LRP1B: variants seen among roughly 807,000 people sequenced by gnomAD.
LRP1B encodes the protein low-density lipoprotein receptor-related protein 1B.
In LRP1B, 217 loss-of-function variants were observed where a neutral mutation model predicts 556.6. That is an observed-to-expected ratio of 0.39 (90% CI 0.35 to 0.44). The LOEUF (loss-of-function observed/expected upper bound fraction) is 0.44, where lower values mean the gene tolerates loss of function less well. Among genes scored for constraint, LRP1B ranks in the 20% least tolerant of loss-of-function variants. The pLI is 1.00. For missense variants in LRP1B, 5,053 were observed against 5,620.8 expected (o/e 0.90, Z 3.23); for synonymous variants, 2,047 against 1,865.8 (o/e 1.10, Z -2.50).
At chr2:141,595,333 G>A (rs72855461) in intron 2 of LRP1B, among the ~76,000 whole-genome samples, 13,899 of 152,012 alleles carry the variant, frequency 0.091, 869 homozygotes, top group South Asian at 0.19. Context: ...AAGAGTCAAT[G>A]TAATTGTGTT....
At chr2:141,938,105 A>G (rs556605432) in intron 1 of LRP1B, among the ~76,000 whole-genome samples, 406 of 152,200 alleles carry the variant, frequency 2.7e-3, no homozygotes, top group South Asian at 7.0e-3. Context: ...GCTTTGCAAC[A>G]TAATTTAAAA....
chr2:140,652,809 G>GA (rs1357757523), intron 41 of LRP1B, among the ~76,000 whole-genome samples: 2 of 151,806 alleles, frequency 1.3e-5, no homozygotes, highest in Non-Finnish European at 2.9e-5. Flanking sequence ...CTTGATAATG[G>GA]AAAAAAATAG....
intron 33 of LRP1B, among the ~76,000 whole-genome samples, chr2:140,771,257 G>C (rs1052779505): frequency 5.3e-5 from 8 of 152,052 alleles, no homozygotes; most frequent in Admixed American, 2.6e-4. Flanking sequence ...AAAGGAAATT[G>C]ATTTGTCATA....
rs13313812 is a variant in LRP1B, at chr2:141,573,320, T to C, written c.206-92787A>G. On this transcript the variant is annotated intron_variant, in intron 2 of 90. Transcript: ENST00000389484. ...CAAAACCACACAGTTACATGGAAAT[T>C]GAACAACCTGCTCCTGAATGACTCC... Among the ~76,000 whole-genome samples the C allele has an allele frequency of 4.7e-3, 710 of 152,260 alleles. 2 individuals carry two copies. The highest frequency in any genetic ancestry group is 0.016 in the African/African-American group (672 of 41,550).
intron 1 of LRP1B, among the ~76,000 whole-genome samples, chr2:141,817,985 G>A (rs1696617166): frequency 6.6e-6 from 1 of 152,112 alleles, no homozygotes; most frequent in African/African-American, 2.4e-5. Flanking sequence ...TAAATTAAAG[G>A]ATAGATACAA....
At chr2:140,928,489 G>A (rs910449061) in intron 20 of LRP1B, among the ~76,000 whole-genome samples, 2 of 152,110 alleles carry the variant, frequency 1.3e-5, no homozygotes, top group Non-Finnish European at 2.9e-5. Flanking sequence ...GCAGTTGGCA[G>A]GCGAGAGGGA....
intron 3 of LRP1B, among the ~76,000 whole-genome samples, chr2:141,394,054 T>C (rs754257738): frequency 6.6e-6 from 1 of 152,188 alleles, no homozygotes; most frequent in Admixed American, 6.5e-5. Context: ...GGGTATACTA[T>C]GTCCCTGACT....
At chr2:142,019,678 C>T (rs1703270191) in intron 1 of LRP1B, among the ~76,000 whole-genome samples, 1 of 152,132 alleles carries the variant, frequency 6.6e-6, no homozygotes, top group African/African-American at 2.4e-5. Flanking sequence ...TTCAAACTTA[C>T]CAGAGTAAAA....
intron 5 of LRP1B, among the ~76,000 whole-genome samples, chr2:141,231,516 G>A (rs1490121173): frequency 2.0e-5 from 3 of 152,102 alleles, no homozygotes; most frequent in Non-Finnish European, 2.9e-5. Flanking sequence ...CACAGAGATG[G>A]TCCAGTGGCT....
intron 1 of LRP1B, among the ~76,000 whole-genome samples, chr2:142,037,862 G>C (rs1703939165): frequency 1.3e-5 from 2 of 151,450 alleles, no homozygotes; most frequent in South Asian, 4.1e-4. Flanking sequence ...ATAGCTGCAG[G>C]CTTGTAGCAG....
At chr2:141,177,650 G>T (rs1215764047) in intron 7 of LRP1B, among the ~76,000 whole-genome samples, 1 of 152,106 alleles carries the variant, frequency 6.6e-6, no homozygotes, top group Non-Finnish European at 1.5e-5. Flanking sequence ...GTGAAGGGAA[G>T]AATTGGCTGG....
rs558599953 is a variant in LRP1B at position 140,303,401 on chromosome 2, C to T, written c.12806-5432G>A. Among the ~76,000 whole-genome samples, 42 of 151,884 alleles carry T rather than the reference C, an allele frequency of 2.8e-4. 2 individuals are homozygous for T. The highest frequency in any genetic ancestry group is 1.2e-3 in the Admixed American group (18 of 15,266). On this transcript the variant is annotated intron_variant, in intron 83 of 90. Transcript: ENST00000389484. ...TAGCTGGAACTACAGGCACCTGCCA[C>T]GATGCCTGGCTATTTTTTTGTATTT...
At chr2:141,890,162 T>C (rs1699239277) in intron 1 of LRP1B, among the ~76,000 whole-genome samples, 1 of 151,798 alleles carries the variant, frequency 6.6e-6, no homozygotes, top group African/African-American at 2.4e-5. Flanking sequence ...ATAGTCTAGA[T>C]GGTCATACAT....
At chr2:141,262,606 A>C (rs1231925043) in intron 3 of LRP1B, among the ~76,000 whole-genome samples, 1 of 152,154 alleles carries the variant, frequency 6.6e-6, no homozygotes, top group Non-Finnish European at 1.5e-5. Context: ...AAAATCTATG[A>C]CTGAAGGTTC....
rs559627427 is a variant in LRP1B at position 140,365,737 on chromosome 2, G to T, written c.11009-954C>A. On this transcript the variant is annotated intron_variant, in intron 71 of 90. Coordinates refer to ENST00000389484, the MANE Select transcript of LRP1B (RefSeq NM_018557.3). ...AAGATAAATTAGATTGCTCCCAAAG[G>T]GTTACACTACCTAGTTAATCCTCAT... Among the ~76,000 whole-genome samples, 3 of 151,628 alleles carry T rather than the reference G, an allele frequency of 2.0e-5. No individual in the cohort carries two copies. In the South Asian group the frequency reaches 6.2e-4, roughly 31 times the overall value.
intron 3 of LRP1B, among the ~76,000 whole-genome samples, chr2:141,291,710 G>T (rs76718478): frequency 6.6e-6 from 1 of 151,810 alleles, no homozygotes; most frequent in African/African-American, 2.4e-5. Context: ...CAAAAAATTA[G>T]CCGGGAGTGG....
At chr2:141,488,182 G>T (rs1559100061) in intron 2 of LRP1B, among the ~76,000 whole-genome samples, 1 of 151,690 alleles carries the variant, frequency 6.6e-6, no homozygotes. Context: ...ACATTTATTT[G>T]TTTTTTTCCC....
At chr2:141,791,662 G>A (rs931827321) in intron 2 of LRP1B, among the ~76,000 whole-genome samples, 1 of 151,962 alleles carries the variant, frequency 6.6e-6, no homozygotes, top group African/African-American at 2.4e-5. Flanking sequence ...CTCTGTGGGT[G>A]ATTTTCGAAA....
intron 31 of LRP1B, among the ~76,000 whole-genome samples, chr2:140,828,105 A>C (rs1691572283): frequency 6.6e-6 from 1 of 151,684 alleles, no homozygotes; most frequent in Non-Finnish European, 1.5e-5. Flanking sequence ...TCCATCCTAC[A>C]AAAAAAAACT....
Sources: allele counts gnomAD v4.1 joint callset (sites outside exome capture counted in the v4.1 genomes callset), GRCh38; gene constraint gnomAD v4.1.1; transcripts MANE v1.5; gene names NCBI Gene and HGNC (gene_info 2026-07-23, HGNC 2026-07-21).